The following KLF9 variants were observed in gnomAD, a reference collection of about 807,000 sequenced individuals.
KLF9 encodes KLF transcription factor 9.
In KLF9, 2 loss-of-function variants were observed where a neutral mutation model predicts 17.3. That is an observed-to-expected ratio of 0.12 (90% confidence interval 0.05 to 0.36). KLF9 has a LOEUF of 0.36. Among genes scored for constraint, KLF9 ranks in the 10% least tolerant of loss-of-function variants. KLF9 has a pLI of 1.00. For synonymous variants in KLF9, 138 were observed against 139.2 expected, an observed-to-expected ratio of 0.99 and a Z score of 0.06; for missense variants, 226 against 333.2, an observed-to-expected ratio of 0.68 and a Z score of 2.51.
intron 1 of KLF9, among the ~76,000 whole-genome samples, chr9:70,412,004 T>C (rs1427585137): frequency 6.6e-6 from 1 of 151,876 alleles, no homozygotes; most frequent in Non-Finnish European, 1.5e-5. Context: ...AAAAGGCAGA[T>C]AGATGTCTTT....
chr9:70,409,328 C>G (rs1218422548), intron 1 of KLF9, among the ~76,000 whole-genome samples: 1 of 149,828 alleles, frequency 6.7e-6, no homozygotes, highest in African/African-American at 2.5e-5. Context: ...CAAACTCAAC[C>G]CATTGTCACC....
chr9:70,413,238 C>T lies in KLF9; in HGVS notation c.126G>A (p.Glu42=). The T allele has an allele frequency of 1.2e-6, 2 of 1,613,940 alleles. No homozygotes were observed. Among genetic ancestry groups the T allele is most frequent in the Non-Finnish European group, 1.7e-6 (2 of 1,180,016 alleles). The part of the protein sequence containing the change: ...DAERLRLPER[E]VTKEHGDPGD... ...CCGGGTCACCGTGCTCCTTGGTCAC[C>T]TCGCGCTCAGGTAGTCGCAGCCGCT... is the stretch of plus-strand genomic sequence containing the variant. The change falls in exon 1 of 2, where the codon GAG becomes GAA. Residue 42 remains glutamate (E), a synonymous_variant. Transcript: ENST00000377126. This position sits in a 1 kb window ranked among gnomAD's most constrained non-coding sequence, Gnocchi z 5.6.
intron 1 of KLF9, among the ~76,000 whole-genome samples, chr9:70,391,822 G>A (rs1038000636): frequency 4.6e-5 from 7 of 152,176 alleles, no homozygotes; most frequent in African/African-American, 1.7e-4. Flanking sequence ...TTTCATGACA[G>A]GAGAAAGTTA....
chr9:70,392,879 C>T (rs973864884), intron 1 of KLF9, among the ~76,000 whole-genome samples: 3 of 152,174 alleles, frequency 2.0e-5, no homozygotes, highest in African/African-American at 7.2e-5. Context: ...TACCATCCTC[C>T]TGGGGATAGG....
intron 1 of KLF9, among the ~76,000 whole-genome samples, chr9:70,391,247 G>A (rs1283482755): frequency 6.6e-6 from 1 of 152,194 alleles, no homozygotes; most frequent in Non-Finnish European, 1.5e-5. Context: ...AGTGACCATG[G>A]AAAACTGGCA....
At position 70,386,985 on chromosome 9, in the gene KLF9, G is replaced by T. The variant is rs543406940; in HGVS notation, c.*791C>A. On this transcript the variant is annotated 3_prime_UTR_variant, in exon 2 of 2. Coordinates refer to ENST00000377126, the MANE Select transcript of KLF9 (RefSeq NM_001206.4). ...ATCCTCTGCATTAGAAAATAAAAGT[G>T]CAGCTTATGTTCAAAAAGTACAACT... is the stretch of plus-strand genomic sequence containing the variant. The T allele has an allele frequency of 7.5e-4, 115 of 152,698 alleles. No homozygotes were observed. The highest frequency in any genetic ancestry group is 2.7e-3 in the African/African-American group (112 of 41,566). The allele number at this position is 152,698 out of a possible 1,614,324, so 9.5% of individuals were successfully genotyped here.
At chr9:70,401,686 C>CAAAAAAAAAAAAAAAAAAAAAAAAAA (rs34988097) in intron 1 of KLF9, among the ~76,000 whole-genome samples, 1 of 66,508 alleles carries the variant, frequency 1.5e-5, no homozygotes, top group Non-Finnish European at 3.0e-5. Flanking sequence ...GACTCCTTCA[C>CAAAAAAAAAAAAAAAAAAAAAAAAAA]AAAAAAAAAA....
chr9:70,409,138 ATATATG>A lies in KLF9; in HGVS notation c.505+3715_505+3720del, dbSNP rs1238068561. 2.9e-3 allele frequency among the ~76,000 whole-genome samples: 173 copies of A among 60,008 alleles called. 14 individuals carry two copies. The highest frequency in any genetic ancestry group is 7.9e-3 in the Admixed American group (31 of 3,914). 39.4% of individuals were successfully genotyped at this position (60,008 alleles called of 152,430 possible). ...TACATATATGTATATATGTATACAT[ATATATG>A]TATATGTATATATATACACATATAT... On this transcript the variant is annotated intron_variant, in intron 1 of 1. Transcript: ENST00000377126.
At position 70,412,974 on chromosome 9, in the gene KLF9, T is replaced by G; in HGVS notation, c.390A>C (p.Gly130=). Residue 130 remains glycine (G), a synonymous_variant, in exon 1 of 2, where the codon GGA becomes GGC. Coordinates refer to ENST00000377126, the MANE Select transcript of KLF9 (RefSeq NM_001206.4). Reference sequence around the variant, plus strand: ...AGGCGTGTTTCCCCTTCGCAGCCACTCCAGGATGGAGGAGGGAGAGCGGGC... The same window carrying G: ...AGGCGTGTTTCCCCTTCGCAGCCACGCCAGGATGGAGGAGGGAGAGCGGGC... ...APSPLSLLHP[G]VAAKGKHASE... The G allele has an allele frequency of 6.2e-7, 1 of 1,614,130 alleles. No individual in the cohort carries two copies. The highest frequency in any genetic ancestry group is 1.1e-5 in the South Asian group (1 of 91,086).
rs1354618542 is a variant in KLF9 at position 70,413,399 on chromosome 9, A to T, written c.-36T>A. On this transcript the variant is annotated 5_prime_UTR_variant, in exon 1 of 2. Transcript: ENST00000377126. The surrounding 1 kb of genome is among the most constrained non-coding windows in gnomAD (Gnocchi z 5.6). The stretch of plus-strand genomic sequence containing the variant: ...ACGGCAGCCCAGGCGGCGCGGACAA[A>T]CTTGGCGGTGGCTGCGGAGGTTCGG... 1 of 1,457,838 alleles carries T rather than the reference A, an allele frequency of 6.9e-7. No individual in the cohort carries two copies. Among genetic ancestry groups the T allele is most frequent in the Non-Finnish European group, 9.0e-7 (1 of 1,107,714 alleles). 90.3% of individuals were successfully genotyped at this position (1,457,838 alleles called of 1,614,324 possible).
intron 1 of KLF9, among the ~76,000 whole-genome samples, chr9:70,410,218 C>T (rs184089143): frequency 1.2e-3 from 186 of 152,304 alleles, no homozygotes; most frequent in African/African-American, 4.1e-3. Context: ...TTGATTTTTC[C>T]AGACAAGCCA....
intron 1 of KLF9, among the ~76,000 whole-genome samples, chr9:70,407,491 C>T (rs374982941): frequency 2.0e-5 from 3 of 152,184 alleles, no homozygotes; most frequent in Non-Finnish European, 2.9e-5. Flanking sequence ...AAACAGTGTG[C>T]GTACTCTGTA....
In KLF9 at chr9:70,387,510, G is replaced by A; in HGVS notation, c.*266C>T. On this transcript the variant is annotated 3_prime_UTR_variant, in exon 2 of 2. Transcript: ENST00000377126. ...AAAACAAAAACCAAAAAACCCAAAA[G>A]CATTTGCCTTCCCTCCAACAGTCAG... 1 of 194,218 alleles carries A rather than the reference G, an allele frequency of 5.1e-6. No individual in the cohort carries two copies. Among genetic ancestry groups the A allele is most frequent in the East Asian group, 1.0e-4 (1 of 9,558 alleles). 12.0% of individuals were successfully genotyped at this position (194,218 alleles called of 1,614,324 possible). A position where few individuals can be genotyped will look rare whatever the true frequency, so the allele number is the denominator to read the frequency against.
intron 1 of KLF9, among the ~76,000 whole-genome samples, chr9:70,412,466 CCGA>C (rs2037327845): frequency 6.6e-6 from 1 of 152,156 alleles, no homozygotes; most frequent in African/African-American, 2.4e-5. Flanking sequence ...TCTCTGCAAC[CCGA>C]CAAGAGAATT....
At chr9:70,397,270 G>A (rs575070950) in intron 1 of KLF9, among the ~76,000 whole-genome samples, 25 of 151,900 alleles carry the variant, frequency 1.6e-4, no homozygotes, top group Admixed American at 5.9e-4. Flanking sequence ...AGGTGAGGAG[G>A]TTGAGACCAT....
At position 70,384,919 on chromosome 9, in the gene KLF9, T is replaced by G. The variant is rs778582468; in HGVS notation, c.*2857A>C. ...CCAAATAGAATTCTCAAGAGAAGCA[T>G]GATGTGGAGCTAAACCTTAAAGCCA... On this transcript the variant is annotated 3_prime_UTR_variant, in exon 2 of 2. Coordinates refer to ENST00000377126, the MANE Select transcript of KLF9 (RefSeq NM_001206.4). 3 of 152,552 alleles carry G rather than the reference T, an allele frequency of 2.0e-5. No individual in the cohort carries two copies. The highest frequency in any genetic ancestry group is 1.9e-4 in the East Asian group (1 of 5,204). 9.4% of individuals were successfully genotyped at this position (152,552 alleles called of 1,614,324 possible).
In KLF9 at chr9:70,385,023, A is replaced by C. The variant is rs2037099793; in HGVS notation, c.*2753T>G. Reference sequence around the variant, plus strand: ...AGATATCTTAACTCTAAAACTATTAAATTTTCCAGAATATGACAACTACTT... The same window carrying C: ...AGATATCTTAACTCTAAAACTATTACATTTTCCAGAATATGACAACTACTT... On this transcript the variant is annotated 3_prime_UTR_variant, in exon 2 of 2. Transcript: ENST00000377126. 1 of 152,502 alleles carries C rather than the reference A, an allele frequency of 6.6e-6. No individual in the cohort carries two copies. Among genetic ancestry groups the C allele is most frequent in the Admixed American group, 6.5e-5 (1 of 15,278 alleles). The allele number at this position is 152,502 out of a possible 1,614,324, so 9.4% of individuals were successfully genotyped here.
rs72614621 is a variant in KLF9, at chr9:70,412,033, A to G, written c.505+826T>C. Among the ~76,000 whole-genome samples, 634 of 152,082 alleles carry G rather than the reference A, an allele frequency of 4.2e-3. 15 individuals are homozygous for G. In the East Asian group the frequency reaches 0.047, roughly 11 times the overall value. ...TGTCTTTCTGGCCACATTCATTTGT[A>G]CGGCCATGCCTCTCACCCTCCCTGG... On this transcript the variant is annotated intron_variant, in intron 1 of 1. Transcript: ENST00000377126.
intron 1 of KLF9, among the ~76,000 whole-genome samples, chr9:70,400,668 T>C (rs1456373381): frequency 6.6e-6 from 1 of 152,158 alleles, no homozygotes; most frequent in Non-Finnish European, 1.5e-5. Context: ...TGGTGAAAAG[T>C]GATGCCACTC....
Sources: allele counts gnomAD v4.1 joint callset (sites outside exome capture counted in the v4.1 genomes callset), GRCh38; gene constraint gnomAD v4.1.1; non-coding constraint Gnocchi (gnomAD v3.1); transcripts MANE v1.5; gene names NCBI Gene and HGNC (gene_info 2026-07-23, HGNC 2026-07-21).